Variants in RERE observed in about 807,000 individuals in gnomAD.
RERE encodes the protein arginine-glutamic acid dipeptide repeats.
RERE carries 40 observed loss-of-function variants against 146.1 expected under a neutral mutation model. The observed-to-expected ratio is 0.27, with a 90% CI of 0.21 to 0.36. RERE has a LOEUF of 0.36. Ranked by LOEUF, RERE falls within the 10% of genes least tolerant of loss-of-function variation. The pLI, the probability that RERE is intolerant of heterozygous loss-of-function variation, is 1.00. For missense variants in RERE, 1,933 were observed against 2,138.7 expected (o/e 0.90, Z 1.90); for synonymous variants, 1,003 against 866.0 (o/e 1.16, Z -2.78).
At chr1:8,768,152 A>G (rs888112566) in intron 1 of RERE, among the ~76,000 whole-genome samples, 1 of 152,162 alleles carries the variant, frequency 6.6e-6, no homozygotes, top group African/African-American at 2.4e-5. Flanking sequence ...AAAATTACTT[A>G]GTAGCATAAT....
chr1:8,471,513 G>T (rs1286282052), intron 10 of RERE, among the ~76,000 whole-genome samples: 1 of 133,130 alleles, frequency 7.5e-6, no homozygotes, highest in Non-Finnish European at 1.6e-5. Context: ...GCTGCCCGGG[G>T]TTGCTTTTTT....
chr1:8,441,763 A>C (rs114418994), intron 11 of RERE, among the ~76,000 whole-genome samples: 1,763 of 152,324 alleles, frequency 0.012, 42 homozygotes, highest in African/African-American at 0.04. Context: ...GTTTAAAAAA[A>C]CCATACAATT....
intron 7 of RERE, among the ~76,000 whole-genome samples, chr1:8,539,952 A>G (rs1645777947): frequency 2.0e-5 from 3 of 152,198 alleles, no homozygotes; most frequent in Admixed American, 1.3e-4. Flanking sequence ...ACTCAACAAC[A>G]TTCTAAGTTT....
intron 22 of RERE, 107 bp from the exon 23 acceptor site, chr1:8,355,227 C>T: frequency 7.9e-7 from 1 of 1,273,156 alleles, no homozygotes; most frequent in Non-Finnish European, 1.1e-6. Context: ...AACCCCAAGC[C>T]CGCAGCCTCC....
chr1:8,385,394 A>G (rs1255878919), intron 12 of RERE, among the ~76,000 whole-genome samples: 2 of 152,082 alleles, frequency 1.3e-5, no homozygotes, highest in African/African-American at 4.8e-5. Context: ...GGGAAAGTTG[A>G]CTCTGTGCCT....
At chr1:8,681,331 TTTCTC>T (rs1190631073) in intron 1 of RERE, among the ~76,000 whole-genome samples, 2 of 152,160 alleles carry the variant, frequency 1.3e-5, no homozygotes, top group Non-Finnish European at 2.9e-5. Context: ...CCGGGGAGTC[TTTCTC>T]TTAATATTTT....
intron 11 of RERE, among the ~76,000 whole-genome samples, chr1:8,429,301 TG>T (rs1644061689): frequency 1.3e-5 from 2 of 152,142 alleles, no homozygotes; most frequent in Non-Finnish European, 2.9e-5. Context: ...AGAGCTGTGG[TG>T]GGCCTAGGAA....
intron 1 of RERE, among the ~76,000 whole-genome samples, chr1:8,698,555 A>T (rs1639382293): frequency 6.6e-6 from 1 of 152,254 alleles, no homozygotes; most frequent in Non-Finnish European, 1.5e-5. Context: ...TTAAAACTAC[A>T]ACTACAAAAG....
intron 12 of RERE, among the ~76,000 whole-genome samples, chr1:8,375,311 A>G (rs1642196040): frequency 1.3e-5 from 2 of 152,224 alleles, no homozygotes; most frequent in South Asian, 4.1e-4. Context: ...TCCTGATCTC[A>G]TCATTATTTT....
chr1:8,403,152 C>T (rs1643321490), intron 12 of RERE, among the ~76,000 whole-genome samples: 1 of 152,140 alleles, frequency 6.6e-6, no homozygotes, highest in African/African-American at 2.4e-5. Flanking sequence ...CCATCTCGGC[C>T]TCCCAAAGTG....
intron 4 of RERE, among the ~76,000 whole-genome samples, chr1:8,592,678 T>C (rs1646509787): frequency 6.6e-6 from 1 of 152,062 alleles, no homozygotes; most frequent in Non-Finnish European, 1.5e-5. Flanking sequence ...GGCCAGGAAT[T>C]CAAGACTAGC....
intron 7 of RERE, among the ~76,000 whole-genome samples, chr1:8,523,544 C>T (rs1645532289): frequency 1.3e-5 from 2 of 152,174 alleles, no homozygotes; most frequent in South Asian, 4.1e-4. Flanking sequence ...GAGTAACTTC[C>T]CATGTGCTGT....
intron 8 of RERE, among the ~76,000 whole-genome samples, chr1:8,504,852 C>CAA (rs1020812584): frequency 7.5e-6 from 1 of 133,972 alleles, no homozygotes; most frequent in Middle Eastern, 3.9e-3. Flanking sequence ...GACTCCGTCT[C>CAA]AAAAAAAAAA....
chr1:8,598,951 T>A (rs984904057), intron 4 of RERE, among the ~76,000 whole-genome samples: 2 of 152,222 alleles, frequency 1.3e-5, no homozygotes, highest in Admixed American at 6.5e-5. Context: ...TTAACTCTCC[T>A]TAGACAGAAG....
At chr1:8,728,955 C>T (rs954012677) in intron 1 of RERE, among the ~76,000 whole-genome samples, 4 of 152,054 alleles carry the variant, frequency 2.6e-5, no homozygotes, top group Non-Finnish European at 5.9e-5. Flanking sequence ...CATCCGAGGT[C>T]GGGAGTTCAA....
intron 10 of RERE, among the ~76,000 whole-genome samples, chr1:8,489,675 T>G (rs1380380761): frequency 2.6e-5 from 4 of 151,982 alleles, no homozygotes; most frequent in African/African-American, 9.7e-5. Context: ...AAAAAATAAC[T>G]GACAACACCA....
intron 11 of RERE, among the ~76,000 whole-genome samples, chr1:8,460,938 C>A (rs1366144262): frequency 6.6e-6 from 1 of 152,144 alleles, no homozygotes; most frequent in Non-Finnish European, 1.5e-5. Flanking sequence ...CAATTAGCAT[C>A]CCCAGTATTT....
intron 1 of RERE, among the ~76,000 whole-genome samples, chr1:8,696,636 G>A (rs143690119): frequency 0.013 from 1,913 of 151,762 alleles, 45 homozygotes; most frequent in African/African-American, 0.045. Context: ...AAGGCTGGGC[G>A]CGGTGGTTCA....
rs530112578 is a variant in RERE at position 8,539,803 on chromosome 1, T to C, written c.830+1411A>G. Among the ~76,000 whole-genome samples the C allele has an allele frequency of 1.4e-3, 217 of 152,248 alleles. 3 individuals are homozygous for C. The South Asian group carries it at 0.025, about 18-fold the overall frequency. ...ATCTAGAATCTAGCTTCTGATGCTGTCTAGAAAATAGCATCCAATATTGAG... is the reference window on the plus strand; with the variant it reads ...ATCTAGAATCTAGCTTCTGATGCTGCCTAGAAAATAGCATCCAATATTGAG... On this transcript the variant is annotated intron_variant, in intron 7 of 22. Transcript: ENST00000400908.
Sources: allele counts gnomAD v4.1 joint callset (sites outside exome capture counted in the v4.1 genomes callset), GRCh38; gene constraint gnomAD v4.1.1; transcripts MANE v1.5; gene names NCBI Gene and HGNC (gene_info 2026-07-23, HGNC 2026-07-21).